Variants in MPDZ observed in about 807,000 individuals in gnomAD.
MPDZ encodes the protein multiple PDZ domain protein.
Under a neutral mutation model 239.1 loss-of-function variants are expected in MPDZ, and 234 were observed. The ratio of observed to expected loss-of-function variants is 0.98; its 90% confidence interval spans 0.88 to 1.09. MPDZ has a LOEUF of 1.09. Ranked by LOEUF, MPDZ falls within the 50% of genes least tolerant of loss-of-function variation. MPDZ has a pLI of 0.00. For synonymous variants in MPDZ, 1,048 were observed against 881.3 expected (o/e 1.19, Z -3.35); for missense variants, 3,175 against 2,510.0 (o/e 1.26, Z -5.66).
chr9:13,188,048 T>C (rs1314071845), intron 17 of MPDZ, among the ~76,000 whole-genome samples: 1 of 152,194 alleles, frequency 6.6e-6, no homozygotes, highest in Non-Finnish European at 1.5e-5. Flanking sequence ...CAACTGAATT[T>C]AGCAACTTGA....
In MPDZ at chr9:13,183,402, G is replaced by A; in HGVS notation, c.2649+16C>T. 6.3e-7 allele frequency: 1 copy of A among 1,576,324 alleles called. No homozygotes were observed. The highest frequency in any genetic ancestry group is 1.2e-5 in the South Asian group (1 of 83,944). ...AAGACTTTCCTATAAAAGAAAAATT[G>A]GCTTTTCCTTTGTACCTTAGGAGGA... is the stretch of plus-strand genomic sequence containing the variant. On this transcript the variant is annotated intron_variant, in intron 19 of 46. Coordinates refer to ENST00000319217, the MANE Select transcript of MPDZ (RefSeq NM_001378778.1).
intron 12 of MPDZ, among the ~76,000 whole-genome samples, chr9:13,196,918 G>A (rs557095367): frequency 2.0e-5 from 3 of 151,776 alleles, no homozygotes; most frequent in East Asian, 1.9e-4. Flanking sequence ...GTTCTTACTC[G>A]TAAGATTTGT....
intron 1 of MPDZ, 106 bp downstream of exon 1, chr9:13,279,294 C>G (rs1296692669): frequency 7.2e-6 from 1 of 137,956 alleles, no homozygotes; most frequent in Admixed American, 7.0e-5. Context: ...CCCACCCCCA[C>G]CCCCAAGCGC....
intron 39 of MPDZ, among the ~76,000 whole-genome samples, chr9:13,116,489 T>C (rs751626793): frequency 3.9e-5 from 6 of 152,184 alleles, no homozygotes; most frequent in Non-Finnish European, 5.9e-5. Context: ...TCTGAAGATG[T>C]TGATCATGAA....
intron 10 of MPDZ, 40 bp from the exon 11 acceptor site, chr9:13,206,139 T>A: frequency 1.2e-5 from 18 of 1,522,626 alleles, no homozygotes; most frequent in Non-Finnish European, 1.6e-5. Flanking sequence ...ACATGTTAAA[T>A]AAATGGATAT....
At position 13,176,149 on chromosome 9, in the gene MPDZ, T is replaced by C; in HGVS notation, c.2918A>G (p.Asp973Gly). 6.3e-7 allele frequency: 1 copy of C among 1,595,376 alleles called. No homozygotes were observed. The highest frequency in any genetic ancestry group is 1.1e-5 in the South Asian group (1 of 88,122). Reference protein sequence around the residue: ...SSAELPSVLPDSAGKGSEYLL... With the variant: ...SSAELPSVLPGSAGKGSEYLL... ...TTAAAATATTACCTTTCCAGCTGAATCGGGTAGCACAGAAGGAAGTTCTGC... is the reference window on the plus strand; with the variant it reads ...TTAAAATATTACCTTTCCAGCTGAACCGGGTAGCACAGAAGGAAGTTCTGC... The change falls in exon 20 of 47, where the codon GAT becomes GGT. Residue 973 changes from aspartate (D) to glycine (G), a missense_variant. By Grantham distance (94) the Asp-to-Gly change is moderately conservative. Transcript: ENST00000319217.
intron 17 of MPDZ, among the ~76,000 whole-genome samples, chr9:13,186,636 C>T (rs1587628117): frequency 6.6e-6 from 1 of 150,792 alleles, no homozygotes; most frequent in East Asian, 1.9e-4. Flanking sequence ...ATGAGAATCC[C>T]TTTCTACTAA....
chr9:13,257,011 G>A (rs148340946), intron 1 of MPDZ, among the ~76,000 whole-genome samples: 5 of 152,276 alleles, frequency 3.3e-5, no homozygotes, highest in South Asian at 4.1e-4. Flanking sequence ...GTCTTGGAAT[G>A]TATCCCCCAT....
chr9:13,123,476 A>G (rs894404784), intron 35 of MPDZ, among the ~76,000 whole-genome samples, 178 bp from the exon 36 acceptor site: 4 of 152,152 alleles, frequency 2.6e-5, no homozygotes, highest in Admixed American at 6.5e-5. Context: ...AAATAAAACA[A>G]ATGTGATTAA....
In MPDZ at chr9:13,251,128, CAAA is replaced by C. The variant is rs150252589; in HGVS notation, c.-57-759_-57-757del. On this transcript the variant is annotated intron_variant, in intron 1 of 46. Transcript: ENST00000319217. ...TGGGCCACAGAACAAGACTCCATCT[CAAA>C]AAAAAAAAAAAAAAAAAAAAGGAAA... Among the ~76,000 whole-genome samples the C allele has an allele frequency of 1.6e-4, 6 of 36,446 alleles. No individual in the cohort carries two copies. In the East Asian group the frequency reaches 2.7e-3, roughly 17 times the overall value. The allele number at this position is 36,446 out of a possible 152,430, so 23.9% of individuals were successfully genotyped here.
intron 27 of MPDZ, among the ~76,000 whole-genome samples, chr9:13,141,397 C>G (rs1468173284): frequency 6.6e-6 from 1 of 152,240 alleles, no homozygotes; most frequent in Non-Finnish European, 1.5e-5. Context: ...ATCATGTTGT[C>G]TCCTCCAACT....
chr9:13,223,584 T>G lies in MPDZ; in HGVS notation c.520A>C (p.Ser174Arg), dbSNP rs752257362. ...CGACCATCTCACCTATGGGCCACAC[T>G]GCCCTCTTGTATCTCTTGAACAAAT... is the stretch of plus-strand genomic sequence containing the variant. Reference protein sequence around the residue: ...GIFVQEIQEGSVAHRDGRLKE... With the variant: ...GIFVQEIQEGRVAHRDGRLKE... The change falls in exon 5 of 47, where the codon AGT (serine) becomes CGT (arginine). Residue 174 changes from serine (S) to arginine (R), a missense_variant. Physicochemically the swap from Ser to Arg is moderately radical, Grantham distance 110 (BLOSUM62 -1). Transcript: ENST00000319217. The G allele has an allele frequency of 2.9e-5, 46 of 1,611,656 alleles. 1 individual carries two copies. In the South Asian group the frequency reaches 5.0e-4, roughly 17 times the overall value.
At chr9:13,250,701 TA>T (rs1164246626) in intron 1 of MPDZ, among the ~76,000 whole-genome samples, 2 of 152,138 alleles carry the variant, frequency 1.3e-5, no homozygotes. Flanking sequence ...TACAGATCTT[TA>T]AGCACAGAAT....
chr9:13,123,088 C>T, intron 36 of MPDZ, 65 bp downstream of exon 36: 2 of 1,477,742 alleles, frequency 1.4e-6, no homozygotes, highest in South Asian at 1.5e-5. Context: ...GAAATCTCCC[C>T]ATAATCGTCT....
At position 13,107,080 on chromosome 9, in the gene MPDZ, C is replaced by T. The variant is rs1308010726; in HGVS notation, c.6098G>A (p.Arg2033Lys). The T allele has an allele frequency of 1.3e-6, 2 of 1,585,028 alleles. No individual in the cohort carries two copies. The highest frequency in any genetic ancestry group is 2.3e-5 in the East Asian group (1 of 44,358). ...GAASEDGRLK[R>K]GDQIIAVNGQ... ...ATTGACAGCAATGATCTGATCGCCCCTTTTCAGACGTCCGTCTTCAGAGGC... is the reference window on the plus strand; with the variant it reads ...ATTGACAGCAATGATCTGATCGCCCTTTTTCAGACGTCCGTCTTCAGAGGC... Residue 2033 changes from arginine (R) to lysine (K), a missense_variant, in exon 47 of 47, where the codon AGG becomes AAG. Arg to Lys is a conservative substitution (Grantham distance 26). Transcript: ENST00000319217.
Position 13,121,890 on chromosome 9 carries a change from T to C in MPDZ, c.5080A>G (p.Ile1694Val). ...DLRKATHDEA[I>V]NVLRQTPQRV... is the part of the protein sequence containing the mutation. ...TGTGGCGTCTGTCTCAGGACATTGA[T>C]TGCTTCATCATGTGTGGCCTTTCTC... The change falls in exon 38 of 47, where the codon ATC becomes GTC. Residue 1694 changes from isoleucine to valine, a missense_variant. Ile to Val is a conservative substitution (Grantham distance 29). Coordinates refer to ENST00000319217, the MANE Select transcript of MPDZ (RefSeq NM_001378778.1). 20 of 1,613,844 alleles carry C rather than the reference T, an allele frequency of 1.2e-5. No homozygotes were observed. Among genetic ancestry groups the C allele is most frequent in the Admixed American group, 1.7e-5 (1 of 59,992 alleles).
intron 28 of MPDZ, 111 bp downstream of exon 28, chr9:13,139,874 AGT>A (rs1947376736): frequency 8.5e-7 from 1 of 1,176,102 alleles, no homozygotes; most frequent in Non-Finnish European, 1.3e-6. Context: ...ACAGAATTGC[AGT>A]ATATATCACA....
intron 26 of MPDZ, among the ~76,000 whole-genome samples, chr9:13,146,399 T>A (rs911913505): frequency 1.3e-5 from 2 of 152,194 alleles, no homozygotes; most frequent in African/African-American, 4.8e-5. Flanking sequence ...AATTCTTAAT[T>A]TCACAAGTTA....
intron 22 of MPDZ, chr9:13,165,508 G>T (rs1950968332): frequency 6.3e-6 from 9 of 1,428,682 alleles, no homozygotes; most frequent in African/African-American, 1.4e-5. Flanking sequence ...GTAGTTAAAA[G>T]TGGGTGCTCC....
Sources: allele counts gnomAD v4.1 joint callset (sites outside exome capture counted in the v4.1 genomes callset), GRCh38; gene constraint gnomAD v4.1.1; transcripts MANE v1.5; gene names NCBI Gene and HGNC (gene_info 2026-07-23, HGNC 2026-07-21).